NAV2: variants seen among roughly 807,000 people sequenced by gnomAD.
The protein encoded by NAV2 is helicase, APC down-regulated 1.
NAV2 carries 54 observed loss-of-function variants against 223.2 expected under a neutral mutation model. The observed-to-expected ratio is 0.24, with a 90% CI of 0.19 to 0.30. The LOEUF is 0.30. Among genes scored for constraint, NAV2 ranks in the 10% least tolerant of loss-of-function variants. The pLI, the probability that NAV2 is intolerant of heterozygous loss-of-function variation, is 1.00. For synonymous variants in NAV2, 1,279 were observed against 1,239.3 expected (o/e 1.03, Z -0.67); for missense variants, 2,806 against 3,147.5 (o/e 0.89, Z 2.60).
chr11:20,033,889 G>A (rs1372936889), intron 11 of NAV2, among the ~76,000 whole-genome samples: 1 of 152,130 alleles, frequency 6.6e-6, no homozygotes, highest in Admixed American at 6.5e-5. Flanking sequence ...CAGGTTCCAC[G>A]CTGCCACTTT....
At chr11:19,585,630 A>G (rs773265585) in intron 1 of NAV2, among the ~76,000 whole-genome samples, 13 of 152,120 alleles carry the variant, frequency 8.5e-5, no homozygotes, top group Non-Finnish European at 1.8e-4. Flanking sequence ...TTTCTCCTTC[A>G]CTTATGAAGC....
chr11:19,483,527 A>G (rs71488712), intron 1 of NAV2, among the ~76,000 whole-genome samples: 16,449 of 152,210 alleles, frequency 0.11, 900 homozygotes, highest in Admixed American at 0.14. Flanking sequence ...CTTTAAGTGA[A>G]AAGGTGAAAG....
chr11:19,701,153 CT>C (rs2049501485), intron 1 of NAV2, among the ~76,000 whole-genome samples: 1 of 152,092 alleles, frequency 6.6e-6, no homozygotes, highest in African/African-American at 2.4e-5. Context: ...CCGTGTTCCC[CT>C]TTTTCACCCC....
At chr11:19,995,730 T>C (rs1591583604) in intron 11 of NAV2, among the ~76,000 whole-genome samples, 1 of 152,246 alleles carries the variant, frequency 6.6e-6, no homozygotes, top group African/African-American at 2.4e-5. Flanking sequence ...TTTGTTCTAA[T>C]TGGAGCTTCA....
chr11:20,092,176 CT>C (rs1188524125), intron 27 of NAV2, 29 bp from the exon 28 acceptor site: 12 of 1,599,760 alleles, frequency 7.5e-6, no homozygotes, highest in Non-Finnish European at 1.0e-5. Context: ...CTTCTGCCTA[CT>C]AAGGGAGCTT....
intron 1 of NAV2, among the ~76,000 whole-genome samples, chr11:19,568,779 C>T (rs902460782): frequency 4.1e-4 from 62 of 152,152 alleles, no homozygotes; most frequent in African/African-American, 1.4e-3. Flanking sequence ...AACGTCACCT[C>T]CCCATTCACG....
chr11:19,860,470 G>A (rs1218965336), intron 3 of NAV2, among the ~76,000 whole-genome samples: 1 of 151,792 alleles, frequency 6.6e-6, no homozygotes, highest in East Asian at 2.0e-4. Context: ...TCCTAGATGG[G>A]ATGGCAGCCT....
intron 1 of NAV2, among the ~76,000 whole-genome samples, chr11:19,388,979 TA>T (rs1386915164): frequency 6.6e-6 from 1 of 152,246 alleles, no homozygotes; most frequent in East Asian, 1.9e-4. Context: ...ATGATCTCCC[TA>T]CTCAGTCTTC....
rs557516558 is a variant in NAV2, at chr11:19,953,655, C to T, written c.2645+4575C>T. ...GTTCACACCTACCCTTATATATAAG[C>T]GTTTCACTTTGCATGGGAAGTGTCT... is the stretch of plus-strand genomic sequence containing the variant. On this transcript the variant is annotated intron_variant, in intron 10 of 37. Coordinates refer to ENST00000349880, the MANE Select transcript of NAV2 (RefSeq NM_145117.5). Among the ~76,000 whole-genome samples, 129 of 152,338 alleles carry T rather than the reference C, an allele frequency of 8.5e-4. 1 individual carries two copies. Among genetic ancestry groups the T allele is most frequent in the African/African-American group, 2.7e-3 (114 of 41,580 alleles).
intron 1 of NAV2, among the ~76,000 whole-genome samples, chr11:19,462,927 A>T (rs1852216567): frequency 6.6e-6 from 1 of 152,220 alleles, no homozygotes; most frequent in Non-Finnish European, 1.5e-5. Context: ...GGGCCTCTAC[A>T]GAGTCCAAAA....
At position 19,501,476 on chromosome 11, in the gene NAV2, C is replaced by T. The variant is rs182020265; in HGVS notation, c.75+150449C>T. On this transcript the variant is annotated intron_variant, in intron 1 of 37. Coordinates refer to the NAV2 transcript ENST00000360655. ...TACAGTAGCTATAATTCCACAACTCCACTGGTTGTAAAACCTCAGTGTTTG... is the reference window on the plus strand; with the variant it reads ...TACAGTAGCTATAATTCCACAACTCTACTGGTTGTAAAACCTCAGTGTTTG... Among the ~76,000 whole-genome samples the T allele has an allele frequency of 3.4e-3, 516 of 152,154 alleles. 2 individuals are homozygous for T. The highest frequency in any genetic ancestry group is 0.011 in the African/African-American group (477 of 41,488).
intron 3 of NAV2, among the ~76,000 whole-genome samples, chr11:19,863,920 G>A (rs2061942162): frequency 6.6e-6 from 1 of 152,184 alleles, no homozygotes; most frequent in Non-Finnish European, 1.5e-5. Context: ...TAAATGAATG[G>A]GTGACAATTA....
At chr11:19,763,800 G>GTTT (rs36000037) in intron 1 of NAV2, among the ~76,000 whole-genome samples, 2 of 87,468 alleles carry the variant, frequency 2.3e-5, no homozygotes, top group Non-Finnish European at 4.8e-5. Flanking sequence ...TGTTTTTTTT[G>GTTT]TTTTTTTTTT....
At chr11:19,643,903 C>T (rs1278893472) in intron 1 of NAV2, among the ~76,000 whole-genome samples, 3 of 152,242 alleles carry the variant, frequency 2.0e-5, no homozygotes, top group Non-Finnish European at 4.4e-5. Context: ...ATTTGCATTT[C>T]TCTGGATGTA....
At chr11:19,980,362 A>G (rs1011984253) in intron 10 of NAV2, among the ~76,000 whole-genome samples, 12 of 152,180 alleles carry the variant, frequency 7.9e-5, no homozygotes, top group Non-Finnish European at 1.5e-4. Flanking sequence ...TGTTACCAGC[A>G]CCTCATTAGG....
At chr11:19,478,627 G>A (rs2042190011) in intron 1 of NAV2, among the ~76,000 whole-genome samples, 1 of 152,180 alleles carries the variant, frequency 6.6e-6, no homozygotes, top group African/African-American at 2.4e-5. Flanking sequence ...AAAGATAAGT[G>A]CAACAAGGAG....
In NAV2 at chr11:19,599,978, G is replaced by T. The variant is rs142367247; in HGVS notation, c.76-232506G>T. ...GTTTGGATCCTCCAACACAGACTGT[G>T]AAGTAAGTATTTCAGTACAAGTAGT... On this transcript the variant is annotated intron_variant, in intron 1 of 37. Transcript: ENST00000360655. Among the ~76,000 whole-genome samples the T allele has an allele frequency of 6.2e-3, 937 of 152,324 alleles. 8 individuals are homozygous for T. Among genetic ancestry groups the T allele is most frequent in the African/African-American group, 0.021 (889 of 41,564 alleles).
intron 2 of NAV2, among the ~76,000 whole-genome samples, chr11:19,840,522 T>C (rs937879298): frequency 1.3e-5 from 2 of 152,222 alleles, no homozygotes; most frequent in African/African-American, 2.4e-5. Context: ...ACTTATGACT[T>C]TGGCCATCAT....
chr11:19,934,706 C>CT (rs2153276075), intron 7 of NAV2, among the ~76,000 whole-genome samples: 2 of 152,298 alleles, frequency 1.3e-5, no homozygotes, highest in South Asian at 4.2e-4. Context: ...GGCTCAATAA[C>CT]TAAGATTTCT....
Sources: gnomAD v4.1 joint callset for allele counts (sites outside exome capture counted in the v4.1 genomes callset) on GRCh38, gnomAD v4.1.1 for gene constraint, MANE v1.5 for transcripts, NCBI Gene and HGNC (gene_info 2026-07-23, HGNC 2026-07-21) for gene names.